The following ZMPSTE24 variants were observed in gnomAD, a reference collection of about 807,000 sequenced individuals.
The protein encoded by ZMPSTE24 is zinc metallopeptidase STE24.
ZMPSTE24 carries 48 observed loss-of-function variants against 56.7 expected under a neutral mutation model. That is an observed-to-expected ratio of 0.85 (90% CI 0.67 to 1.08). The LOEUF (loss-of-function observed/expected upper bound fraction) is 1.08. ZMPSTE24 is among the 50% of genes least tolerant of loss of function. The pLI, the probability that ZMPSTE24 is intolerant of heterozygous loss-of-function variation, is 0.00. For synonymous variants in ZMPSTE24, 172 were observed against 195.2 expected, an observed-to-expected ratio of 0.88 and a Z score of 0.99; for missense variants, 503 against 548.7, an observed-to-expected ratio of 0.92 and a Z score of 0.83.
intron 6 of ZMPSTE24, among the ~76,000 whole-genome samples, chr1:40,278,586 A>AAAAAAAAAAAAAAT (rs1643695835): frequency 6.8e-6 from 1 of 146,490 alleles, no homozygotes; most frequent in Non-Finnish European, 1.5e-5. Context: ...AAAAAAAAAA[A>AAAAAAAAAAAAAAT]GAATATCTCG....
intron 6 of ZMPSTE24, among the ~76,000 whole-genome samples, chr1:40,275,285 A>AAAAAAAAAAAAAAG (rs1643657075): frequency 6.7e-6 from 1 of 148,450 alleles, no homozygotes; most frequent in African/African-American, 2.5e-5. Context: ...AAAAAAAAAA[A>AAAAAAAAAAAAAAG]AAGCCGGGCG....
chr1:40,265,046 C>T (rs540384845), intron 2 of ZMPSTE24, among the ~76,000 whole-genome samples: 2 of 152,096 alleles, frequency 1.3e-5, no homozygotes, highest in South Asian at 4.1e-4. Context: ...GTTTTTCAGT[C>T]CCCAAAAGAA....
intron 9 of ZMPSTE24, among the ~76,000 whole-genome samples, chr1:40,292,195 C>T (rs1176746580): frequency 2.0e-5 from 3 of 152,128 alleles, no homozygotes; most frequent in Non-Finnish European, 4.4e-5. Context: ...GATTTTGGAA[C>T]ATTTCAGATT....
Position 40,268,481 on chromosome 1 carries a change from A to G in ZMPSTE24, c.420A>G (p.Pro140=). The G allele has an allele frequency of 1.2e-6, 2 of 1,613,186 alleles. No homozygotes were observed. The highest frequency in any genetic ancestry group is 8.5e-7 in the Non-Finnish European group (1 of 1,179,954). ...TTTTCAGTGCATTGACTGGTTTGCC[A>G]TGGAGTCTTTATAATACTTTTGTGA... ...ATLFSALTGL[P]WSLYNTFVIE... is the part of the protein sequence containing the mutation. The change falls in exon 4 of 10, where the codon CCA becomes CCG. Residue 140 remains proline (P), a synonymous_variant. Coordinates refer to ENST00000372759, the MANE Select transcript of ZMPSTE24 (RefSeq NM_005857.5).
intron 8 of ZMPSTE24, among the ~76,000 whole-genome samples, chr1:40,289,865 C>T (rs889420576): frequency 3.3e-5 from 5 of 152,084 alleles, no homozygotes; most frequent in Admixed American, 6.5e-5. Flanking sequence ...TTGGAGCCTC[C>T]GCTTCAAAGT....
At chr1:40,286,154 A>T in intron 8 of ZMPSTE24, 125 bp downstream of exon 8, 1 of 822,628 alleles carries the variant, frequency 1.2e-6, no homozygotes, top group Non-Finnish European at 2.0e-6. Context: ...GTTTCCTATC[A>T]CAGCTCCCTG....
chr1:40,260,369 G>A lies in ZMPSTE24; in HGVS notation c.124-470G>A, dbSNP rs550134336. Among the ~76,000 whole-genome samples the A allele has an allele frequency of 4.6e-5, 7 of 152,200 alleles. No homozygotes were observed. The South Asian group carries it at 8.3e-4, about 18-fold the overall frequency. On this transcript the variant is annotated intron_variant, in intron 1 of 9. Coordinates refer to ENST00000372759, the MANE Select transcript of ZMPSTE24 (RefSeq NM_005857.5). ...ACCCACCGTGCCCGGCTGAAAATTG[G>A]TCTTTTCTCACAGACCTGATATGTT...
chr1:40,284,989 G>A (rs1569657934), intron 7 of ZMPSTE24, among the ~76,000 whole-genome samples: 2 of 144,310 alleles, frequency 1.4e-5, no homozygotes, highest in Non-Finnish European at 3.0e-5. Context: ...ACAGTGGCGT[G>A]ATCTTGGCTC....
intron 5 of ZMPSTE24, among the ~76,000 whole-genome samples, chr1:40,270,762 A>G (rs756274781): frequency 3.3e-5 from 5 of 150,980 alleles, no homozygotes; most frequent in Non-Finnish European, 5.9e-5. Flanking sequence ...CACATCTCCT[A>G]TTCCTCTTCT....
intron 9 of ZMPSTE24, 79 bp downstream of exon 9, chr1:40,291,076 G>A: frequency 5.8e-6 from 9 of 1,552,826 alleles, no homozygotes; most frequent in Non-Finnish European, 7.0e-6. Flanking sequence ...AGTGAAAAAG[G>A]AAATAGAACA....
At chr1:40,277,179 G>A (rs548516084) in intron 6 of ZMPSTE24, among the ~76,000 whole-genome samples, 6 of 149,850 alleles carry the variant, frequency 4.0e-5, no homozygotes, top group South Asian at 2.1e-4. Flanking sequence ...TCCGCCTCCC[G>A]GGTTCACACC....
In ZMPSTE24 at chr1:40,271,940, A is replaced by G. The variant is rs779369094; in HGVS notation, c.674A>G (p.Lys225Arg). The change falls in exon 6 of 10, where the codon AAA becomes AGA. Residue 225 changes from lysine to arginine, a missense_variant. By Grantham distance (26) the Lys-to-Arg change is conservative (BLOSUM62 2). Transcript: ENST00000372759. Reference protein sequence around the residue: ...YADYIAPLFDKFTPLPEGKLK... With the variant: ...YADYIAPLFDRFTPLPEGKLK... Reference sequence around the variant, plus strand: ...GATTATATTGCCCCTTTATTTGACAAATTCACACCTCTGCCTGAGGGAAAG... The same window carrying G: ...GATTATATTGCCCCTTTATTTGACAGATTCACACCTCTGCCTGAGGGAAAG... 5 of 1,613,784 alleles carry G rather than the reference A, an allele frequency of 3.1e-6. No homozygotes were observed. Among genetic ancestry groups the G allele is most frequent in the South Asian group, 1.1e-5 (1 of 91,054 alleles).
At chr1:40,270,600 C>T (rs1643604615) in intron 5 of ZMPSTE24, among the ~76,000 whole-genome samples, 1 of 152,036 alleles carries the variant, frequency 6.6e-6, no homozygotes, top group African/African-American at 2.4e-5. Context: ...CCTTCTTTGC[C>T]CCATCTGCTT....
intron 6 of ZMPSTE24, among the ~76,000 whole-genome samples, chr1:40,280,506 C>A (rs1350039663): frequency 1.3e-5 from 2 of 151,932 alleles, no homozygotes; most frequent in Non-Finnish European, 2.9e-5. Flanking sequence ...CTCACTGCAA[C>A]CTCCGTCTCC....
intron 2 of ZMPSTE24, among the ~76,000 whole-genome samples, chr1:40,265,989 G>A (rs1206454562): frequency 6.6e-6 from 1 of 152,184 alleles, no homozygotes; most frequent in Non-Finnish European, 1.5e-5. Flanking sequence ...CTGCTGATGG[G>A]AGTGTAATTT....
rs1476141596 is a variant in ZMPSTE24, at chr1:40,269,985, TC to T, written c.486del (p.Phe163SerfsTer2). Reference sequence around the variant, plus strand: ...GTTTTCTTTTTGCAGACTTTGGGGTTCTTCATGAAAGATGCAATCAAGAAAT... The same window carrying T: ...GTTTTCTTTTTGCAGACTTTGGGGTTTTCATGAAAGATGCAATCAAGAAAT... ...KHGFNQQTLGFFMKDAIKKFV... is the reference protein window; with the variant it reads ...KHGFNQQTLGXFMKDAIKKFV... On this transcript the variant is annotated frameshift_variant, in exon 5 of 10. Transcript: ENST00000372759. LOFTEE classifies it high-confidence loss of function. The T allele has an allele frequency of 6.2e-7, 1 of 1,612,964 alleles. No individual in the cohort carries two copies. The highest frequency in any genetic ancestry group is 8.5e-7 in the Non-Finnish European group (1 of 1,179,786).
At chr1:40,261,695 G>C (rs1643498498) in intron 2 of ZMPSTE24, among the ~76,000 whole-genome samples, 1 of 151,844 alleles carries the variant, frequency 6.6e-6, no homozygotes, top group South Asian at 2.1e-4. Context: ...GGGTTTTTTT[G>C]TTGCTTTTTT....
chr1:40,283,876 C>G (rs1428674321), intron 7 of ZMPSTE24, among the ~76,000 whole-genome samples: 5 of 151,368 alleles, frequency 3.3e-5, no homozygotes, highest in Non-Finnish European at 5.9e-5. Flanking sequence ...TTAAATATAT[C>G]TCTTTCTGCT....
At chr1:40,282,352 A>G (rs1021677755) in intron 7 of ZMPSTE24, among the ~76,000 whole-genome samples, 1 of 152,194 alleles carries the variant, frequency 6.6e-6, no homozygotes, top group Non-Finnish European at 1.5e-5. Flanking sequence ...AGAGGGGACA[A>G]TGATAAGAAA....
Sources: allele counts gnomAD v4.1 joint callset (sites outside exome capture counted in the v4.1 genomes callset), GRCh38; gene constraint gnomAD v4.1.1; transcripts MANE v1.5; gene names NCBI Gene and HGNC (gene_info 2026-07-23, HGNC 2026-07-21).